Variants in KNL1 observed in about 807,000 individuals in gnomAD.
KNL1 encodes the protein outer kinetochore KNL1 complex subunit KNL1.
A neutral mutation model predicts 201.3 loss-of-function variants in KNL1; 66 were observed. The ratio of observed to expected loss-of-function variants is 0.33; its 90% CI spans 0.27 to 0.40. KNL1 has a LOEUF of 0.40. KNL1 is among the 10% of genes least tolerant of loss of function. The pLI, the probability that KNL1 is intolerant of heterozygous loss-of-function variation, is 1.00. For synonymous variants in KNL1, 895 were observed against 899.2 expected (o/e 1.00, Z 0.08); for missense variants, 2,815 against 2,690.5 (o/e 1.05, Z -1.02).
intron 13 of KNL1, among the ~76,000 whole-genome samples, chr15:40,638,082 G>C (rs1482515567): frequency 6.6e-6 from 1 of 152,022 alleles, no homozygotes; most frequent in Non-Finnish European, 1.5e-5. Context: ...TCGGGAGACT[G>C]AGGCAGGAGA....
At chr15:40,656,199 G>C (rs1595949574) in intron 22 of KNL1, among the ~76,000 whole-genome samples, 1 of 152,230 alleles carries the variant, frequency 6.6e-6, no homozygotes, top group East Asian at 1.9e-4. Context: ...GGGAGACCAA[G>C]GCGGGCGGAT....
At chr15:40,620,574 T>G in intron 9 of KNL1, 66 bp from the exon 10 acceptor site, 1 of 956,246 alleles carries the variant, frequency 1.0e-6, no homozygotes. Context: ...ATATAATACA[T>G]GTTGTAAAAT....
chr15:40,610,597 T>A (rs997028246), intron 6 of KNL1, among the ~76,000 whole-genome samples: 3 of 152,114 alleles, frequency 2.0e-5, no homozygotes, highest in Non-Finnish European at 4.4e-5. Flanking sequence ...CTCAGGAGGC[T>A]GAGGTGAGAG....
intron 13 of KNL1, among the ~76,000 whole-genome samples, chr15:40,634,348 G>A (rs548874493): frequency 4.6e-5 from 7 of 152,014 alleles, no homozygotes; most frequent in Admixed American, 3.3e-4. Flanking sequence ...CTCGTGACCC[G>A]CCCACCTCAG....
rs1052780870 is a variant in KNL1 at position 40,664,044 on chromosome 15, A to G, written c.*1856A>G. 3.8e-5 allele frequency: 7 copies of G among 184,570 alleles called. No homozygotes were observed. The highest frequency in any genetic ancestry group is 8.8e-5 in the East Asian group (1 of 11,352). The allele number at this position is 184,570 out of a possible 1,614,324, so 11.4% of individuals were successfully genotyped here. ...AAGTCATCAATATGATCTGTTTCCC[A>G]TGAAACTTAAGTTAGCTTTCTTATT... On this transcript the variant is annotated 3_prime_UTR_variant, in exon 26 of 26. Transcript: ENST00000399668.
Position 40,622,992 on chromosome 15 carries a change from A to G in KNL1, c.2728A>G (p.Arg910Gly), listed in dbSNP as rs8040502. ...GTSETILYTC[R>G]QDDMEITRSH... ...TTCTGAAACTATTTTATATACATGT[A>G]GGCAGGATGACATGGAGATCACTAG... The change falls in exon 10 of 26, where the codon AGG becomes GGG. Residue 910 changes from arginine (R) to glycine (G), a missense_variant. Transcript: ENST00000399668. 1,317,531 of 1,613,682 alleles carry G rather than the reference A, an allele frequency of 0.82. 548,089 individuals carry two copies. Among genetic ancestry groups the G allele is most frequent in the African/African-American group, 0.92 (68,841 of 75,000 alleles).
In KNL1 at chr15:40,646,856, CAAAAAAAAAAAA is replaced by C. The variant is rs146834597; in HGVS notation, c.6007-120_6007-109del. On this transcript the variant is annotated intron_variant, in intron 16 of 25. Coordinates refer to ENST00000399668, the MANE Select transcript of KNL1 (RefSeq NM_144508.5). Reference sequence around the variant, plus strand: ...TGGGTAACAGAATGAGACTCCGCCTCAAAAAAAAAAAAAAAAAAAAAAGATTTGCCTGTTTGT... The same window carrying C: ...TGGGTAACAGAATGAGACTCCGCCTCAAAAAAAAAAGATTTGCCTGTTTGT... 30 of 191,374 alleles carry C rather than the reference CAAAAAAAAAAAA, an allele frequency of 1.6e-4. No homozygotes were observed. The Admixed American group carries it at 1.6e-3, about 10-fold the overall frequency. 11.9% of individuals were successfully genotyped at this position (191,374 alleles called of 1,614,324 possible).
rs1370484038 is a variant in KNL1 at position 40,624,237 on chromosome 15, A to G, written c.3973A>G (p.Lys1325Glu). The G allele has an allele frequency of 6.2e-7, 1 of 1,614,006 alleles. No homozygotes were observed. ...LEGSAMLLCD[K>E]DEEKANYCPV... ...GGGTAGTGCCATGCTCTTATGTGATAAAGATGAGGAAAAAGCCAATTATTG... is the reference window on the plus strand; with the variant it reads ...GGGTAGTGCCATGCTCTTATGTGATGAAGATGAGGAAAAAGCCAATTATTG... Residue 1325 changes from lysine to glutamate, a missense_variant, in exon 10 of 26, where the codon AAA (lysine) becomes GAA (glutamate). Physicochemically the swap from Lys to Glu is moderately conservative, Grantham distance 56 (BLOSUM62 1). This residue lies in a region of KNL1 where 2,464 missense variants were observed against 2,291.7 expected (regional missense o/e 1.08). Coordinates refer to ENST00000399668, the MANE Select transcript of KNL1 (RefSeq NM_144508.5).
At chr15:40,631,048 G>A (rs1464027815) in intron 13 of KNL1, among the ~76,000 whole-genome samples, 1 of 152,134 alleles carries the variant, frequency 6.6e-6, no homozygotes, top group African/African-American at 2.4e-5. Context: ...AGCCCAGGAA[G>A]TGAAGGTTGC....
At position 40,663,697 on chromosome 15, in the gene KNL1, C is replaced by T; in HGVS notation, c.*1509C>T. 1.0e-5 allele frequency: 2 copies of T among 194,386 alleles called. No homozygotes were observed. Among genetic ancestry groups the T allele is most frequent in the Non-Finnish European group, 2.1e-5 (2 of 93,430 alleles). 12.0% of individuals were successfully genotyped at this position (194,386 alleles called of 1,614,324 possible). A position where few individuals can be genotyped will look rare whatever the true frequency, so the allele number is the denominator to read the frequency against. ...CTTGTCATACATATTATTAAATGACCAATATTATGTATGAAGTAGACAAAA... is the reference window on the plus strand; with the variant it reads ...CTTGTCATACATATTATTAAATGACTAATATTATGTATGAAGTAGACAAAA... On this transcript the variant is annotated 3_prime_UTR_variant, in exon 26 of 26. Coordinates refer to ENST00000399668, the MANE Select transcript of KNL1 (RefSeq NM_144508.5).
chr15:40,627,513 CAAAAA>C (rs543656517), intron 10 of KNL1, among the ~76,000 whole-genome samples: 2 of 68,814 alleles, frequency 2.9e-5, no homozygotes, highest in East Asian at 8.2e-4. Flanking sequence ...GACTCCGCCT[CAAAAA>C]AAAAAAAAAA....
Position 40,624,988 on chromosome 15 carries a change from A to G in KNL1, c.4724A>G (p.Gln1575Arg), listed in dbSNP as rs772564893. 6 of 1,613,958 alleles carry G rather than the reference A, an allele frequency of 3.7e-6. No individual in the cohort carries two copies. The South Asian group carries it at 6.6e-5, about 18-fold the overall frequency. The change falls in exon 10 of 26, where the codon CAA (glutamine) becomes CGA (arginine). Residue 1575 changes from glutamine to arginine, a missense_variant. Around this residue, in one of 3 missense-constraint regions of KNL1, gnomAD observed 2,464 missense variants for 2,291.7 expected, o/e 1.08. Transcript: ENST00000399668. ...NGKTGEFLAF[Q>R]TVHLPPLPEQ... is the part of the protein sequence containing the mutation. Reference sequence around the variant, plus strand: ...AAAACTGGAGAGTTTTTAGCCTTTCAAACTGTTCATCTACCACCCCTTCCA... The same window carrying G: ...AAAACTGGAGAGTTTTTAGCCTTTCGAACTGTTCATCTACCACCCCTTCCA...
At chr15:40,651,708 G>T in intron 20 of KNL1, 136 bp downstream of exon 20, 1 of 606,486 alleles carries the variant, frequency 1.6e-6, no homozygotes. Context: ...AAGAGTCAGT[G>T]TACTCAACAG....
At chr15:40,638,813 T>TTTC (rs1567016794) in intron 13 of KNL1, among the ~76,000 whole-genome samples, 1 of 147,916 alleles carries the variant, frequency 6.8e-6, no homozygotes, top group African/African-American at 2.5e-5. Flanking sequence ...TTTTTCTTTC[T>TTTC]TTCTTTTTTT....
intron 25 of KNL1, among the ~76,000 whole-genome samples, chr15:40,660,214 T>C (rs1041504051): frequency 6.6e-6 from 1 of 152,058 alleles, no homozygotes; most frequent in African/African-American, 2.4e-5. Context: ...TTAAAGTTAT[T>C]GACCTTCATT....
intron 25 of KNL1, among the ~76,000 whole-genome samples, chr15:40,660,743 C>T (rs994562948): frequency 6.8e-6 from 1 of 147,958 alleles, no homozygotes; most frequent in Non-Finnish European, 1.5e-5. Context: ...CTGAGGTGGG[C>T]GGATCACTTG....
Position 40,610,302 on chromosome 15 carries a change from G to A in KNL1, c.250+5G>A. 1 of 1,442,778 alleles carries A rather than the reference G, an allele frequency of 6.9e-7. No homozygotes were observed. The highest frequency in any genetic ancestry group is 1.1e-5 in the South Asian group (1 of 87,168). 89.4% of individuals were successfully genotyped at this position (1,442,778 alleles called of 1,614,324 possible). A position where few individuals can be genotyped will look rare whatever the true frequency, so the allele number is the denominator to read the frequency against. ...TGAGAAAGTCAGAAATGGAAGGTAA[G>A]TATGTTACTATAATTCCTGCTAAAT... On this transcript the variant is annotated splice_donor_5th_base_variant and intron_variant, in intron 6 of 25. Coordinates refer to ENST00000399668, the MANE Select transcript of KNL1 (RefSeq NM_144508.5).
chr15:40,659,447 C>T lies in KNL1; in HGVS notation c.6822C>T (p.His2274=), dbSNP rs749053735. 1.9e-5 allele frequency: 31 copies of T among 1,613,278 alleles called. No individual in the cohort carries two copies. Among genetic ancestry groups the T allele is most frequent in the Non-Finnish European group, 2.4e-5 (28 of 1,179,518 alleles). The change falls in exon 25 of 26, where the codon CAC becomes CAT. Residue 2274 remains histidine (H), a synonymous_variant. Coordinates refer to ENST00000399668, the MANE Select transcript of KNL1 (RefSeq NM_144508.5). Reference sequence around the variant, plus strand: ...CATTACCTTCCACCATTCAGAATCACGTTGGGAACACTAGGTGAGTAAAGG... The same window carrying T: ...CATTACCTTCCACCATTCAGAATCATGTTGGGAACACTAGGTGAGTAAAGG... ...SVPLPSTIQN[H]VGNTSQDDIA...
rs1595920962 is a variant in KNL1 at position 40,616,168 on chromosome 15, G to C, written c.322+790G>C. Reference sequence around the variant, plus strand: ...GATGAATTTTCATTCTTGTTGTCCAGGCTGGGGTGCAGTGGTGCAATCTGG... The same window carrying C: ...GATGAATTTTCATTCTTGTTGTCCACGCTGGGGTGCAGTGGTGCAATCTGG... On this transcript the variant is annotated intron_variant, in intron 8 of 25. Transcript: ENST00000399668. Among the ~76,000 whole-genome samples the C allele has an allele frequency of 3.4e-5, 5 of 146,538 alleles. No individual in the cohort carries two copies. In the Admixed American group the frequency reaches 3.5e-4, roughly 10 times the overall value.
Sources: allele counts gnomAD v4.1 joint callset (sites outside exome capture counted in the v4.1 genomes callset), GRCh38; gene constraint gnomAD v4.1.1; regional missense constraint gnomAD v4.1.1; transcripts MANE v1.5; gene names NCBI Gene and HGNC (gene_info 2026-07-23, HGNC 2026-07-21).